FLVCR2: variants seen among roughly 807,000 people sequenced by gnomAD.
The protein encoded by FLVCR2 is FLVCR choline and putative heme transporter 2, also known as choline/ethanolamine transporter FLVCR2.
In FLVCR2, 38 loss-of-function variants were observed where a neutral mutation model predicts 48.9. The observed-to-expected ratio is 0.78, with a 90% confidence interval of 0.60 to 1.02. The LOEUF (loss-of-function observed/expected upper bound fraction) is 1.02, where lower values mean the gene tolerates loss of function less well. Ranked by LOEUF, FLVCR2 falls within the 50% of genes least tolerant of loss-of-function variation. The pLI, the probability that FLVCR2 is intolerant of heterozygous loss-of-function variation, is 0.00. For missense variants in FLVCR2, 664 were observed against 663.3 expected, an observed-to-expected ratio of 1.00 and a Z score of -0.01; for synonymous variants, 255 against 257.0, an observed-to-expected ratio of 0.99 and a Z score of 0.07.
chr14:75,639,460 G>A lies in FLVCR2; in HGVS notation c.1233G>A (p.Met411Ile), dbSNP rs775782239. 1 of 1,603,110 alleles carries A rather than the reference G, an allele frequency of 6.2e-7. No individual in the cohort carries two copies. Among genetic ancestry groups the A allele is most frequent in the Non-Finnish European group, 8.5e-7 (1 of 1,170,004 alleles). The change falls in exon 6 of 10, where the codon ATG becomes ATA. Residue 411 changes from methionine to isoleucine, a missense_variant and splice_region_variant. By Grantham distance (10) the Met-to-Ile change is conservative (BLOSUM62 1). Coordinates refer to ENST00000238667, the MANE Select transcript of FLVCR2 (RefSeq NM_017791.3). ...TAGTGTTCATCACTGCTGGCACAATGGGGTAAGTTTCACCTCTGGCTGATT... is the reference window on the plus strand; with the variant it reads ...TAGTGTTCATCACTGCTGGCACAATAGGGTAAGTTTCACCTCTGGCTGATT... ...LWVVFITAGT[M>I]GFFMTGYLPL...
chr14:75,600,617 A>G (rs911487413), intron 1 of FLVCR2, among the ~76,000 whole-genome samples: 4 of 152,228 alleles, frequency 2.6e-5, no homozygotes, highest in Non-Finnish European at 4.4e-5. Flanking sequence ...AGCTAAAACC[A>G]TAAGACTCTT....
At chr14:75,582,088 C>T (rs1888623975) in intron 1 of FLVCR2, among the ~76,000 whole-genome samples, 1 of 152,088 alleles carries the variant, frequency 6.6e-6, no homozygotes, top group Non-Finnish European at 1.5e-5. Flanking sequence ...AGTTGTAATG[C>T]TAGCTGCTTC....
chr14:75,617,126 C>T (rs927998846), intron 1 of FLVCR2, among the ~76,000 whole-genome samples: 4 of 152,124 alleles, frequency 2.6e-5, no homozygotes, highest in Non-Finnish European at 4.4e-5. Context: ...TCAGAGCTGG[C>T]ATAGCATGTG....
intron 1 of FLVCR2, 35 bp downstream of exon 1, chr14:75,579,676 G>C (rs772368442): frequency 1.2e-6 from 2 of 1,608,176 alleles, no homozygotes; most frequent in Admixed American, 3.3e-5. Flanking sequence ...TCCCAGGGGC[G>C]TGTGTTAGAT....
intron 3 of FLVCR2, among the ~76,000 whole-genome samples, chr14:75,630,163 G>C (rs1490543083): frequency 6.6e-6 from 1 of 152,168 alleles, no homozygotes; most frequent in Non-Finnish European, 1.5e-5. Flanking sequence ...ATAGATTTCT[G>C]GAAATTCAGA....
In FLVCR2 at chr14:75,647,300, C is replaced by T. The variant is rs923691887; in HGVS notation, c.*828C>T. On this transcript the variant is annotated 3_prime_UTR_variant, in exon 10 of 10. Transcript: ENST00000238667. ...CAGGGACTTCTGTGTGTCACAGTCA[C>T]CTCTGATGCCTTTATCTTGATGTTG... 6.6e-6 allele frequency: 1 copy of T among 152,262 alleles called. No homozygotes were observed. The highest frequency in any genetic ancestry group is 1.5e-5 in the Non-Finnish European group (1 of 68,096). The allele number at this position is 152,262 out of a possible 1,614,324, so 9.4% of individuals were successfully genotyped here.
chr14:75,596,164 TG>T (rs1259818403), intron 1 of FLVCR2: 1 of 777,354 alleles, frequency 1.3e-6, no homozygotes, highest in East Asian at 2.4e-5. Context: ...AGTCGTCGGT[TG>T]ATCATGAACT....
At chr14:75,581,582 T>C (rs773076703) in intron 1 of FLVCR2, among the ~76,000 whole-genome samples, 1 of 152,138 alleles carries the variant, frequency 6.6e-6, no homozygotes, top group Non-Finnish European at 1.5e-5. Flanking sequence ...AACTGAGGAA[T>C]TATGTCTGAC....
intron 1 of FLVCR2, among the ~76,000 whole-genome samples, chr14:75,609,478 A>G (rs758597507): frequency 6.6e-6 from 1 of 152,108 alleles, no homozygotes; most frequent in Non-Finnish European, 1.5e-5. Flanking sequence ...TTTTTGGTGT[A>G]AGCTTGAGAT....
At chr14:75,636,182 C>T (rs1197357078) in intron 5 of FLVCR2, among the ~76,000 whole-genome samples, 1 of 152,160 alleles carries the variant, frequency 6.6e-6, no homozygotes, top group African/African-American at 2.4e-5. Flanking sequence ...CCAAAGTTCC[C>T]AGTGTCTGCA....
At chr14:75,639,786 G>A (rs2140053355) in intron 6 of FLVCR2, among the ~76,000 whole-genome samples, 1 of 152,272 alleles carries the variant, frequency 6.6e-6, no homozygotes, top group South Asian at 2.1e-4. Context: ...GAGACTCTGG[G>A]TCCTGGTCTC....
At chr14:75,630,029 C>T (rs141193833) in intron 3 of FLVCR2, among the ~76,000 whole-genome samples, 13 of 152,140 alleles carry the variant, frequency 8.5e-5, no homozygotes, top group Non-Finnish European at 1.6e-4. Context: ...GTCAAGCTGG[C>T]CCTTTAAAAC....
At chr14:75,623,045 A>AATCTCAGCTCACTGCAACCTCTG (rs1215566714) in intron 2 of FLVCR2, among the ~76,000 whole-genome samples, 4 of 152,122 alleles carry the variant, frequency 2.6e-5, no homozygotes, top group Admixed American at 1.3e-4. Flanking sequence ...GCAGTGGCAC[A>AATCTCAGCTCACTGCAACCTCTG]ATCTCAGCTC....
intron 1 of FLVCR2, among the ~76,000 whole-genome samples, chr14:75,618,994 C>T (rs1409918628): frequency 2.0e-5 from 3 of 151,438 alleles, no homozygotes; most frequent in African/African-American, 4.9e-5. Context: ...GAGGCCGAGG[C>T]GGGCAGATCA....
chr14:75,639,869 G>A (rs1890264679), intron 6 of FLVCR2, among the ~76,000 whole-genome samples: 1 of 152,180 alleles, frequency 6.6e-6, no homozygotes, highest in Non-Finnish European at 1.5e-5. Context: ...TTCCTCATCT[G>A]TAAAGAAAGA....
chr14:75,585,978 G>T (rs1888737146), intron 1 of FLVCR2, among the ~76,000 whole-genome samples: 1 of 152,212 alleles, frequency 6.6e-6, no homozygotes, highest in Non-Finnish European at 1.5e-5. Context: ...CTGAGGACCC[G>T]AGGTCGTAGG....
intron 1 of FLVCR2, among the ~76,000 whole-genome samples, chr14:75,619,069 C>T (rs1228621569): frequency 6.6e-6 from 1 of 151,736 alleles, no homozygotes; most frequent in Non-Finnish European, 1.5e-5. Context: ...ACTAAAAATA[C>T]AAAAATTAGC....
At chr14:75,642,904 T>A (rs1015832249) in intron 9 of FLVCR2, among the ~76,000 whole-genome samples, 2 of 152,198 alleles carry the variant, frequency 1.3e-5, no homozygotes, top group African/African-American at 2.4e-5. Flanking sequence ...CTCCGTCACC[T>A]AGGCTGGAAT....
intron 1 of FLVCR2, among the ~76,000 whole-genome samples, chr14:75,585,888 T>C (rs570983093): frequency 6.6e-6 from 1 of 152,180 alleles, no homozygotes; most frequent in East Asian, 1.9e-4. Flanking sequence ...GATTGAAGGG[T>C]AGCAAGAGAG....
Sources: gnomAD v4.1 joint callset for allele counts (sites outside exome capture counted in the v4.1 genomes callset) on GRCh38, gnomAD v4.1.1 for gene constraint, MANE v1.5 for transcripts, NCBI Gene and HGNC (gene_info 2026-07-23, HGNC 2026-07-21) for gene names.